The following PIK3C2G variants were observed in gnomAD, a reference collection of about 807,000 sequenced individuals.
PIK3C2G encodes phosphatidylinositol-4-phosphate 3-kinase catalytic subunit type 2 gamma.
In PIK3C2G, 168 loss-of-function variants were observed where a neutral mutation model predicts 181.1. That is an observed-to-expected ratio of 0.93 (90% CI 0.82 to 1.05). The LOEUF (loss-of-function observed/expected upper bound fraction) is 1.05. Among genes scored for constraint, PIK3C2G ranks in the 50% least tolerant of loss-of-function variants. PIK3C2G has a pLI of 0.00. For synonymous variants in PIK3C2G, 573 were observed against 592.2 expected (o/e 0.97, Z 0.47); for missense variants, 1,869 against 1,732.8 (o/e 1.08, Z -1.40).
chr12:18,355,661 T>C (rs1294375690), intron 11 of PIK3C2G, among the ~76,000 whole-genome samples: 1 of 152,148 alleles, frequency 6.6e-6, no homozygotes, highest in African/African-American at 2.4e-5. Context: ...AGCACATGCA[T>C]GCTACGGACA....
At chr12:18,385,336 T>C (rs1371924494) in intron 14 of PIK3C2G, among the ~76,000 whole-genome samples, 6 of 152,122 alleles carry the variant, frequency 3.9e-5, no homozygotes, top group Non-Finnish European at 5.9e-5. Context: ...TCAGGTCCTA[T>C]GGTTGATTGA....
rs574190290 is a variant in PIK3C2G, at chr12:18,453,811, G to A, written c.2504+29772G>A. 7.9e-5 allele frequency among the ~76,000 whole-genome samples: 12 copies of A among 151,684 alleles called. No individual in the cohort carries two copies. The South Asian group carries it at 2.3e-3, about 29-fold the overall frequency. ...AACACAGCTCAATTAGCTTTTAAACGTGAATTTTAATTAGTGTTCTGACTC... is the reference window on the plus strand; with the variant it reads ...AACACAGCTCAATTAGCTTTTAAACATGAATTTTAATTAGTGTTCTGACTC... On this transcript the variant is annotated intron_variant, in intron 18 of 32. Coordinates refer to ENST00000538779, the MANE Select transcript of PIK3C2G (RefSeq NM_001288772.2).
chr12:18,415,053 T>A (rs2066982722), intron 16 of PIK3C2G, among the ~76,000 whole-genome samples: 2 of 152,194 alleles, frequency 1.3e-5, no homozygotes, highest in South Asian at 4.1e-4. Context: ...AAATACACAA[T>A]TTTCCTTTTT....
Position 18,371,187 on chromosome 12 carries a change from T to C in PIK3C2G, c.1756T>C (p.Phe586Leu). 8.7e-6 allele frequency: 14 copies of C among 1,606,742 alleles called. No individual in the cohort carries two copies. The highest frequency in any genetic ancestry group is 1.2e-5 in the Non-Finnish European group (14 of 1,176,052). The change falls in exon 13 of 33, where the codon TTT becomes CTT. Residue 586 changes from phenylalanine to leucine, a missense_variant. Phe to Leu is a conservative substitution (Grantham distance 22, BLOSUM62 0). Coordinates refer to ENST00000538779, the MANE Select transcript of PIK3C2G (RefSeq NM_001288772.2). Reference protein sequence around the residue: ...FLVNWNETINFPLEIKSLPRE... With the variant: ...FLVNWNETINLPLEIKSLPRE... ...TCTTTCTTTTATTCTCAGGATCAAT[T>C]TTCCCCTTGAAATAAAGTCACTTCC...
rs542381638 is a variant in PIK3C2G at position 18,319,048 on chromosome 12, G to A, written c.1138-1914G>A. Among the ~76,000 whole-genome samples the A allele has an allele frequency of 2.0e-5, 3 of 151,898 alleles. 1 individual carries two copies. The highest frequency in any genetic ancestry group is 7.2e-5 in the African/African-American group (3 of 41,428). On this transcript the variant is annotated intron_variant, in intron 6 of 32. Coordinates refer to ENST00000538779, the MANE Select transcript of PIK3C2G (RefSeq NM_001288772.2). ...TGTAGTGAGCCGAGATCACACCATG[G>A]CACTCCAGCCTGAGCGACAGAGCAA...
intron 24 of PIK3C2G, among the ~76,000 whole-genome samples, chr12:18,512,308 G>C (rs749539395): frequency 4.0e-5 from 6 of 151,580 alleles, no homozygotes; most frequent in Non-Finnish European, 7.4e-5. Flanking sequence ...ATCTTTTGTG[G>C]TTCCATGATA....
At chr12:18,307,935 T>C (rs1309266308) in intron 5 of PIK3C2G, among the ~76,000 whole-genome samples, 3 of 151,980 alleles carry the variant, frequency 2.0e-5, no homozygotes, top group Non-Finnish European at 2.9e-5. Flanking sequence ...TCAAATATTA[T>C]CATTTTAACA....
At chr12:18,436,399 G>C (rs1946449487) in intron 18 of PIK3C2G, among the ~76,000 whole-genome samples, 1 of 152,004 alleles carries the variant, frequency 6.6e-6, no homozygotes, top group Non-Finnish European at 1.5e-5. Context: ...AGCATATTCA[G>C]AATTTATCTC....
At chr12:18,405,937 TA>T (rs1484925030) in intron 16 of PIK3C2G, among the ~76,000 whole-genome samples, 4 of 152,156 alleles carry the variant, frequency 2.6e-5, no homozygotes, top group Non-Finnish European at 5.9e-5. Context: ...ACATTGTTAT[TA>T]ACTCTGATCT....
chr12:18,337,736 A>T (rs1027934642), intron 8 of PIK3C2G, among the ~76,000 whole-genome samples: 1 of 152,168 alleles, frequency 6.6e-6, no homozygotes, highest in Non-Finnish European at 1.5e-5. Flanking sequence ...CTGTGACCCA[A>T]TGCCTCCCAC....
intron 24 of PIK3C2G, among the ~76,000 whole-genome samples, chr12:18,509,389 T>G (rs969430786): frequency 5.9e-5 from 9 of 152,236 alleles, no homozygotes; most frequent in African/African-American, 2.2e-4. Context: ...CATTGTGTAT[T>G]AACTAACACA....
chr12:18,608,233 T>G (rs1162956904), intron 30 of PIK3C2G, among the ~76,000 whole-genome samples: 1 of 152,140 alleles, frequency 6.6e-6, no homozygotes, highest in Non-Finnish European at 1.5e-5. Flanking sequence ...TTATAAATCA[T>G]GCTGCTATAA....
At chr12:18,459,969 T>G (rs1222717538) in intron 18 of PIK3C2G, among the ~76,000 whole-genome samples, 1 of 152,198 alleles carries the variant, frequency 6.6e-6, no homozygotes, top group Non-Finnish European at 1.5e-5. Flanking sequence ...TTCACTATGT[T>G]GACCAGGCTG....
chr12:18,419,633 G>A (rs191764991), intron 16 of PIK3C2G, among the ~76,000 whole-genome samples: 2 of 152,286 alleles, frequency 1.3e-5, no homozygotes, highest in Admixed American at 6.5e-5. Flanking sequence ...TGTCTGGACC[G>A]CAGTTCTCAG....
intron 1 of PIK3C2G, among the ~76,000 whole-genome samples, chr12:18,277,245 A>G (rs1949021653): frequency 6.6e-6 from 1 of 152,106 alleles, no homozygotes; most frequent in Non-Finnish European, 1.5e-5. Context: ...GTGTCTTGCT[A>G]AAATATGATT....
intron 22 of PIK3C2G, among the ~76,000 whole-genome samples, 179 bp from the exon 23 acceptor site, chr12:18,503,102 T>C (rs1255955336): frequency 1.3e-5 from 2 of 152,176 alleles, no homozygotes; most frequent in Non-Finnish European, 2.9e-5. Context: ...CTCATTGTTC[T>C]CCAGGATTTT....
upstream of PIK3C2G, among the ~76,000 whole-genome samples, chr12:18,259,549 G>C (rs3813898): frequency 6.6e-5 from 10 of 152,106 alleles, no homozygotes; most frequent in East Asian, 1.9e-3. Context: ...ATTTGCTTTA[G>C]AGTGGGGGGA....
At chr12:18,601,926 C>T (rs1592690533) in intron 30 of PIK3C2G, among the ~76,000 whole-genome samples, 1 of 152,044 alleles carries the variant, frequency 6.6e-6, no homozygotes, top group Non-Finnish European at 1.5e-5. Context: ...TCCTGCCTGG[C>T]ACCACAGGGA....
intron 6 of PIK3C2G, among the ~76,000 whole-genome samples, chr12:18,314,975 C>G (rs1438082914): frequency 1.3e-5 from 2 of 152,100 alleles, no homozygotes; most frequent in Non-Finnish European, 2.9e-5. Context: ...ATTTTATTCC[C>G]TGTGTCATGT....
Sources: gnomAD v4.1 joint callset for allele counts (sites outside exome capture counted in the v4.1 genomes callset) on GRCh38, gnomAD v4.1.1 for gene constraint, MANE v1.5 for transcripts, NCBI Gene and HGNC (gene_info 2026-07-23, HGNC 2026-07-21) for gene names.